Variants in RNF43 observed in about 807,000 individuals in gnomAD.
RNF43 encodes the protein E3 ubiquitin-protein ligase RNF43.
A neutral mutation model predicts 78.4 loss-of-function variants in RNF43; 37 were observed. The ratio of observed to expected loss-of-function variants is 0.47; its 90% CI spans 0.36 to 0.62. The LOEUF is 0.62. Ranked by LOEUF, RNF43 falls within the 20% of genes least tolerant of loss-of-function variation. The probability of loss-of-function intolerance (pLI) is 0.00; values close to 1 mark genes in which losing one functional copy is unlikely to be tolerated. For missense variants in RNF43, 774 were observed against 1,007.9 expected (o/e 0.77, Z 3.14); for synonymous variants, 347 against 395.0 (o/e 0.88, Z 1.44).
chr17:58,393,578 C>A (rs1973605121), intron 2 of RNF43, among the ~76,000 whole-genome samples: 1 of 152,132 alleles, frequency 6.6e-6, no homozygotes, highest in African/African-American at 2.4e-5. Context: ...ATGTTATATG[C>A]AGATTTTTGA....
In RNF43 at chr17:58,415,561, T is replaced by C; in HGVS notation, c.17A>G (p.Gln6Arg). Reference sequence around the variant, plus strand: ...GGGCCAGAGGGCAGCCAGCTGCAGCTGGTGGCCACCACTCATGCTACCAGC... The same window carrying C: ...GGGCCAGAGGGCAGCCAGCTGCAGCCGGTGGCCACCACTCATGCTACCAGC... Reference protein sequence around the residue: MSGGHQLQLAALWPWL... With the variant: MSGGHRLQLAALWPWL... Residue 6 changes from glutamine (Q) to arginine (R), a missense_variant, in exon 2 of 10, where the codon CAG becomes CGG. Coordinates refer to ENST00000407977, the MANE Select transcript of RNF43 (RefSeq NM_017763.6). 6.2e-7 allele frequency: 1 copy of C among 1,608,378 alleles called. No homozygotes were observed. Among genetic ancestry groups the C allele is most frequent in the Non-Finnish European group, 8.5e-7 (1 of 1,179,974 alleles).
chr17:58,396,783 C>T (rs1023102145), intron 2 of RNF43, among the ~76,000 whole-genome samples: 2 of 152,026 alleles, frequency 1.3e-5, no homozygotes, highest in African/African-American at 2.4e-5. Context: ...TACATCTATA[C>T]AATATATAGA....
chr17:58,405,763 A>AAAGG (rs1973899626), intron 2 of RNF43, among the ~76,000 whole-genome samples: 1 of 150,516 alleles, frequency 6.6e-6, no homozygotes, highest in African/African-American at 2.5e-5. Flanking sequence ...AGAAAGAAAG[A>AAAGG]AAAAGAGAAA....
At position 58,360,111 on chromosome 17, in the gene RNF43, C is replaced by G. The variant is rs1055092792; in HGVS notation, c.952+38G>C. On this transcript the variant is annotated intron_variant, in intron 8 of 9. Transcript: ENST00000407977. The surrounding 1 kb of genome is among the most constrained non-coding windows in gnomAD (Gnocchi z 4.3). The stretch of plus-strand genomic sequence containing the variant: ...AAGGGAAGCCACATTCTAGACCTGT[C>G]TGCCTACACAGAGGGGAGTCCTTGG... 2 of 1,496,702 alleles carry G rather than the reference C, an allele frequency of 1.3e-6. No homozygotes were observed. Among genetic ancestry groups the G allele is most frequent in the Non-Finnish European group, 1.9e-6 (2 of 1,074,792 alleles). 92.7% of individuals were successfully genotyped at this position (1,496,702 alleles called of 1,614,324 possible).
At chr17:58,385,730 G>A (rs1209503679) in intron 2 of RNF43, among the ~76,000 whole-genome samples, 1 of 152,170 alleles carries the variant, frequency 6.6e-6, no homozygotes, top group Non-Finnish European at 1.5e-5. Flanking sequence ...AATCAGATAA[G>A]TTGGTTTTAA....
chr17:58,386,568 T>C (rs1390198644), intron 2 of RNF43, among the ~76,000 whole-genome samples: 1 of 152,218 alleles, frequency 6.6e-6, no homozygotes, highest in Non-Finnish European at 1.5e-5. Flanking sequence ...CTCTACCTTT[T>C]CAGTTTCATC....
chr17:58,364,439 G>A (rs548356977), intron 3 of RNF43, among the ~76,000 whole-genome samples: 1 of 152,292 alleles, frequency 6.6e-6, no homozygotes, highest in Admixed American at 6.5e-5. Context: ...AGCAGTGCCA[G>A]AAAGAGAACA....
At chr17:58,367,881 A>C (rs896182493) in intron 3 of RNF43, among the ~76,000 whole-genome samples, 2 of 152,244 alleles carry the variant, frequency 1.3e-5, no homozygotes, top group South Asian at 2.1e-4. Context: ...TGATAATTGC[A>C]ATCATTTATT....
At chr17:58,406,940 C>T (rs889876606) in intron 2 of RNF43, among the ~76,000 whole-genome samples, 3 of 151,602 alleles carry the variant, frequency 2.0e-5, no homozygotes, top group Non-Finnish European at 4.4e-5. Context: ...ATTTAATGTG[C>T]TATTTAAAAT....
chr17:58,393,277 G>A (rs995885697), intron 2 of RNF43, among the ~76,000 whole-genome samples: 3 of 152,130 alleles, frequency 2.0e-5, no homozygotes, highest in Admixed American at 2.0e-4. Flanking sequence ...TATGGTGGCA[G>A]ATGCCTGTAG....
At chr17:58,364,061 G>C (rs146959310) in intron 3 of RNF43, among the ~76,000 whole-genome samples, 1,835 of 152,286 alleles carry the variant, frequency 0.012, 19 homozygotes, top group Middle Eastern at 0.037. Context: ...AGGGAGCTGG[G>C]CTTTCCAGGG....
rs2143461230 is a variant in RNF43, at chr17:58,362,667, G to A, written c.583-19C>T. On this transcript the variant is annotated intron_variant, in intron 5 of 9. Coordinates refer to ENST00000407977, the MANE Select transcript of RNF43 (RefSeq NM_017763.6). The stretch of plus-strand genomic sequence containing the variant: ...AATCTGGCTGGGGAGTGAGCAGAGA[G>A]GGAAAGGGTCATACTTCCGGGATGA... The A allele has an allele frequency of 6.3e-7, 1 of 1,586,762 alleles. No individual in the cohort carries two copies. Among genetic ancestry groups the A allele is most frequent in the Non-Finnish European group, 8.6e-7 (1 of 1,160,702 alleles).
At chr17:58,379,686 T>G (rs1328210878) in intron 2 of RNF43, among the ~76,000 whole-genome samples, 1 of 152,180 alleles carries the variant, frequency 6.6e-6, no homozygotes, top group Non-Finnish European at 1.5e-5. Flanking sequence ...TCTATGGTGA[T>G]TCACAGGTCA....
At chr17:58,406,740 G>A (rs796118701) in intron 2 of RNF43, among the ~76,000 whole-genome samples, 14 of 150,390 alleles carry the variant, frequency 9.3e-5, no homozygotes, top group African/African-American at 3.4e-4. Flanking sequence ...GGGAAAAAAC[G>A]AATGGAAATC....
chr17:58,390,673 C>T (rs556693414), intron 2 of RNF43, among the ~76,000 whole-genome samples: 7 of 152,274 alleles, frequency 4.6e-5, no homozygotes, highest in Admixed American at 1.3e-4. Context: ...CCTTTGATAC[C>T]AGCATACTCA....
chr17:58,377,342 T>C (rs1973223945), intron 2 of RNF43, among the ~76,000 whole-genome samples: 1 of 152,106 alleles, frequency 6.6e-6, no homozygotes, highest in Admixed American at 6.5e-5. Context: ...TCTGAACCCC[T>C]CCCCCGTTCT....
At chr17:58,382,047 C>G (rs1990008) in intron 2 of RNF43, among the ~76,000 whole-genome samples, 53,623 of 151,904 alleles carry the variant, frequency 0.35, 10,118 homozygotes, top group East Asian at 0.51. Flanking sequence ...TTTGACCAGC[C>G]CTCAGTCCCC....
At chr17:58,364,745 C>T (rs1972913882) in intron 3 of RNF43, among the ~76,000 whole-genome samples, 2 of 152,268 alleles carry the variant, frequency 1.3e-5, no homozygotes, top group African/African-American at 4.8e-5. Flanking sequence ...GGAGTTAACC[C>T]TCCTGCAAGT....
intron 2 of RNF43, among the ~76,000 whole-genome samples, chr17:58,395,964 G>C (rs1038006318): frequency 6.7e-6 from 1 of 148,916 alleles, no homozygotes; most frequent in Non-Finnish European, 1.5e-5. Context: ...AGACACAACC[G>C]TTAGGATGTA....
Sources: allele counts gnomAD v4.1 joint callset (sites outside exome capture counted in the v4.1 genomes callset), GRCh38; gene constraint gnomAD v4.1.1; non-coding constraint Gnocchi (gnomAD v3.1); transcripts MANE v1.5; gene names NCBI Gene and HGNC (gene_info 2026-07-23, HGNC 2026-07-21).